BCR: variants seen among roughly 807,000 people sequenced by gnomAD.
The protein encoded by BCR is BCR activator of RhoGEF and GTPase, also known as breakpoint cluster region protein.
A neutral mutation model predicts 138.6 loss-of-function variants in BCR; 58 were observed. The ratio of observed to expected loss-of-function variants is 0.42; its 90% confidence interval spans 0.34 to 0.52. The LOEUF is 0.52. Ranked by LOEUF, BCR falls within the 20% of genes least tolerant of loss-of-function variation. The pLI, the probability that BCR is intolerant of heterozygous loss-of-function variation, is 0.06. For missense variants in BCR, 1,599 were observed against 1,727.2 expected (o/e 0.93, Z 1.32); for synonymous variants, 786 against 730.1 (o/e 1.08, Z -1.23).
At chr22:23,247,025 A>G (rs955061303) in intron 1 of BCR, among the ~76,000 whole-genome samples, 1 of 151,538 alleles carries the variant, frequency 6.6e-6, no homozygotes, top group African/African-American at 2.4e-5. Context: ...CCTTCATGAG[A>G]CCCGAACCTC....
chr22:23,210,306 G>C (rs9608087), intron 1 of BCR, among the ~76,000 whole-genome samples: 1 of 151,554 alleles, frequency 6.6e-6, no homozygotes, highest in Non-Finnish European at 1.5e-5. Flanking sequence ...AGTCCTGGCC[G>C]CTTGAGAAAC....
chr22:23,238,527 A>AGG (rs1429458878), intron 1 of BCR, among the ~76,000 whole-genome samples: 1 of 152,122 alleles, frequency 6.6e-6, no homozygotes, highest in African/African-American at 2.4e-5. Flanking sequence ...TGTGGAGCTC[A>AGG]GGGTATGTTG....
intron 1 of BCR, among the ~76,000 whole-genome samples, chr22:23,209,544 T>TTTTTATTTTATTTTA (rs371375678): frequency 0.057 from 8,603 of 151,368 alleles, 853 homozygotes; most frequent in African/African-American, 0.2. Flanking sequence ...TATTTATTCA[T>TTTTTATTTTATTTTA]TTTTATTTTA....
Position 23,295,136 on chromosome 22 carries a change from T to G in BCR, c.2993T>G (p.Met998Arg), listed in dbSNP as rs1289490868. The G allele has an allele frequency of 3.1e-6, 5 of 1,613,450 alleles. No homozygotes were observed. Among genetic ancestry groups the G allele is most frequent in the Admixed American group, 3.3e-5 (2 of 59,990 alleles). ...KEDGESTDRL[M>R]GKGQVQLDPQ... is the part of the protein sequence containing the mutation. ...GACGGCGAGAGCACGGACAGACTCA[T>G]GGGGAAGGGCCAGGTCCAGGTGAGG... The change falls in exon 16 of 23, where the codon ATG becomes AGG. Residue 998 changes from methionine to arginine, a missense_variant. Met to Arg is a moderately conservative substitution (Grantham distance 91, BLOSUM62 -1). This residue lies in a region of BCR where 590 missense variants were observed against 762.4 expected (regional missense o/e 0.77). Transcript: ENST00000305877.
Position 23,315,643 on chromosome 22 carries a change from C to G in BCR, c.*121C>G. ...GGGCCACCCCCAAGTGTTGGGCCAT[C>G]TGCCAAGAGACAGCGACCCAAAGCC... On this transcript the variant is annotated 3_prime_UTR_variant, in exon 23 of 23. Transcript: ENST00000305877. The G allele has an allele frequency of 1.1e-6, 1 of 945,562 alleles. No homozygotes were observed. The highest frequency in any genetic ancestry group is 1.7e-6 in the Non-Finnish European group (1 of 596,290). 58.6% of individuals were successfully genotyped at this position (945,562 alleles called of 1,614,324 possible).
At position 23,303,733 on chromosome 22, in the gene BCR, C is replaced by T. The variant is rs548444621; in HGVS notation, c.3013-5691C>T. 6.8e-4 allele frequency among the ~76,000 whole-genome samples: 104 copies of T among 152,278 alleles called. 1 individual carries two copies. The South Asian group carries it at 0.017, about 26-fold the overall frequency. On this transcript the variant is annotated intron_variant, in intron 16 of 22. Coordinates refer to ENST00000305877, the MANE Select transcript of BCR (RefSeq NM_004327.4). ...CCACGGGATTCTTCTTGAAGCACACCGCCATCAACATGGATAGTGATACAG... is the reference window on the plus strand; with the variant it reads ...CCACGGGATTCTTCTTGAAGCACACTGCCATCAACATGGATAGTGATACAG...
intron 14 of BCR, chr22:23,290,888 G>T: frequency 5.1e-6 from 1 of 196,984 alleles, no homozygotes; most frequent in African/African-American, 2.3e-5. Context: ...AACAGTGAAG[G>T]CTGGTAACAC....
At chr22:23,284,220 G>A (rs2073683169) in intron 9 of BCR, 122 bp downstream of exon 9, 1 of 1,399,474 alleles carries the variant, frequency 7.1e-7, no homozygotes, top group East Asian at 2.5e-5. Context: ...TTCTACTTGG[G>A]CACAATGCCA....
chr22:23,263,552 T>G, intron 4 of BCR: 1 of 1,575,528 alleles, frequency 6.3e-7, no homozygotes, highest in Non-Finnish European at 8.7e-7. Context: ...ACCAGTTCCG[T>G]CCAGATGGTG....
chr22:23,283,807 G>T, intron 8 of BCR, 170 bp from the exon 9 acceptor site: 1 of 870,426 alleles, frequency 1.1e-6, no homozygotes. Context: ...ACAGTGAGAT[G>T]AACAAAACGT....
intron 8 of BCR, among the ~76,000 whole-genome samples, chr22:23,276,059 C>G (rs1280102173): frequency 1.3e-5 from 2 of 152,156 alleles, no homozygotes; most frequent in East Asian, 3.9e-4. Flanking sequence ...TCCACGCTTA[C>G]CCATGGTCAT....
At chr22:23,186,028 C>G (rs1450858077) in intron 1 of BCR, among the ~76,000 whole-genome samples, 1 of 152,064 alleles carries the variant, frequency 6.6e-6, no homozygotes, top group East Asian at 1.9e-4. Flanking sequence ...CCGCGCAAGG[C>G]GGATAGTGTG....
intron 5 of BCR, among the ~76,000 whole-genome samples, chr22:23,271,258 G>T (rs1472651273): frequency 6.6e-6 from 1 of 152,232 alleles, no homozygotes; most frequent in Non-Finnish European, 1.5e-5. Flanking sequence ...ACCCTAAGGT[G>T]CCCAGGACAG....
chr22:23,234,291 A>T (rs764234818), intron 1 of BCR, among the ~76,000 whole-genome samples: 2 of 152,194 alleles, frequency 1.3e-5, no homozygotes, highest in Non-Finnish European at 2.9e-5. Flanking sequence ...ACCAGTGGTT[A>T]TGTGAATGTG....
rs751881924 is a variant in BCR, at chr22:23,261,374, C to T, written c.1586C>T (p.Ala529Val). The stretch of plus-strand genomic sequence containing the variant: ...TTCCAGCCCATGAAGCCTTTGAAAG[C>T]CGCTGCCACCACCTCTCAGCCGGTG... ...ALLLPMKPLK[A>V]AATTSQPVLT... The change falls in exon 4 of 23, where the codon GCC (alanine) becomes GTC (valine). Residue 529 changes from alanine (A) to valine (V), a missense_variant. Around this residue, in one of 4 missense-constraint regions of BCR, gnomAD observed 590 missense variants for 762.4 expected, o/e 0.77. Coordinates refer to ENST00000305877, the MANE Select transcript of BCR (RefSeq NM_004327.4). 6.2e-6 allele frequency: 10 copies of T among 1,612,926 alleles called. No individual in the cohort carries two copies. The highest frequency in any genetic ancestry group is 8.5e-6 in the Non-Finnish European group (10 of 1,179,486).
rs368767652 is a variant in BCR, at chr22:23,289,543, G to A, written c.2629G>A (p.Val877Met). The A allele has an allele frequency of 9.7e-5, 156 of 1,614,046 alleles. No homozygotes were observed. The highest frequency in any genetic ancestry group is 1.3e-4 in the Non-Finnish European group (150 of 1,179,998). ...TTTCAGAAGCTTCTCCCTGACATCC[G>A]TGGAGCTGCAGATGCTGACCAACTC... ...KCFRSFSLTSVELQMLTNSCV... is the reference protein window; with the variant it reads ...KCFRSFSLTSMELQMLTNSCV... The change falls in exon 13 of 23, where the codon GTG (valine) becomes ATG (methionine). Residue 877 changes from valine (V) to methionine (M), a missense_variant. Around this residue, in one of 4 missense-constraint regions of BCR, gnomAD observed 590 missense variants for 762.4 expected, o/e 0.77. Coordinates refer to ENST00000305877, the MANE Select transcript of BCR (RefSeq NM_004327.4).
intron 8 of BCR, among the ~76,000 whole-genome samples, chr22:23,282,532 C>G (rs1362159794): frequency 1.3e-5 from 2 of 152,228 alleles, no homozygotes; most frequent in Non-Finnish European, 2.9e-5. Flanking sequence ...CCAGGCTGTT[C>G]TTGCAAATGG....
At chr22:23,314,455 G>A in intron 21 of BCR, 97 bp from the exon 22 acceptor site, 2 of 1,405,006 alleles carry the variant, frequency 1.4e-6, no homozygotes, top group African/African-American at 1.4e-5. Context: ...CAGGGTCGAG[G>A]TCACTCCCTT....
chr22:23,213,544 T>G (rs539083499), intron 1 of BCR, among the ~76,000 whole-genome samples: 35 of 152,328 alleles, frequency 2.3e-4, no homozygotes, highest in African/African-American at 8.4e-4. Context: ...GGCAGCAGGC[T>G]GAGCGTGGTG....
Sources: gnomAD v4.1 joint callset for allele counts (sites outside exome capture counted in the v4.1 genomes callset) on GRCh38, gnomAD v4.1.1 for gene constraint, gnomAD v4.1.1 regional missense constraint, MANE v1.5 for transcripts, NCBI Gene and HGNC (gene_info 2026-07-23, HGNC 2026-07-21) for gene names.